Variants in PDGFD observed in about 807,000 individuals in gnomAD.
PDGFD encodes the protein platelet-derived growth factor D.
A neutral mutation model predicts 44.7 loss-of-function variants in PDGFD; 30 were observed. That is an observed-to-expected ratio of 0.67 (90% CI 0.50 to 0.91). The LOEUF (loss-of-function observed/expected upper bound fraction) is 0.91. PDGFD is among the 40% of genes least tolerant of loss of function. PDGFD has a pLI of 0.00. For synonymous variants in PDGFD, 173 were observed against 168.4 expected, an observed-to-expected ratio of 1.03 and a Z score of -0.21; for missense variants, 445 against 457.8, an observed-to-expected ratio of 0.97 and a Z score of 0.25.
chr11:104,149,838 G>A (rs77280667), intron 1 of PDGFD, among the ~76,000 whole-genome samples: 2,226 of 152,118 alleles, frequency 0.015, 60 homozygotes, highest in African/African-American at 0.051. Context: ...GGCCCTGGCC[G>A]GAAATTGATT....
chr11:103,978,853 C>T (rs528648805), intron 3 of PDGFD, among the ~76,000 whole-genome samples: 19 of 152,068 alleles, frequency 1.2e-4, no homozygotes, highest in African/African-American at 4.6e-4. Flanking sequence ...GAGCTCAATG[C>T]TATTAAAATG....
intron 1 of PDGFD, among the ~76,000 whole-genome samples, chr11:104,098,893 A>T (rs1861325915): frequency 1.3e-5 from 2 of 152,026 alleles, no homozygotes; most frequent in Non-Finnish European, 2.9e-5. Context: ...AAAAATACAA[A>T]CTCTGTTCAG....
At chr11:103,950,783 G>T (rs1304551998) in intron 3 of PDGFD, among the ~76,000 whole-genome samples, 9 of 152,072 alleles carry the variant, frequency 5.9e-5, no homozygotes, top group Non-Finnish European at 1.3e-4. Context: ...TCCAAAAGGG[G>T]AATCAACAGA....
Position 103,908,126 on chromosome 11 carries a change from C to T in PDGFD, c.*1568G>A, listed in dbSNP as rs1857966438. 1 of 152,160 alleles carries T rather than the reference C, an allele frequency of 6.6e-6. No individual in the cohort carries two copies. The highest frequency in any genetic ancestry group is 6.5e-5 in the Admixed American group (1 of 15,278). The allele number at this position is 152,160 out of a possible 1,614,324, so 9.4% of individuals were successfully genotyped here. A position where few individuals can be genotyped will look rare whatever the true frequency, so the allele number is the denominator to read the frequency against. On this transcript the variant is annotated 3_prime_UTR_variant, in exon 7 of 7. Coordinates refer to ENST00000393158, the MANE Select transcript of PDGFD (RefSeq NM_025208.5). ...GTTGTAGTTAGTAGGACCACAAAGT[C>T]ACTGAAGAAATCTGCTTTCCTTTTA...
intron 1 of PDGFD, among the ~76,000 whole-genome samples, chr11:104,150,105 C>T (rs927160230): frequency 2.0e-5 from 3 of 151,864 alleles, no homozygotes; most frequent in African/African-American, 7.3e-5. Flanking sequence ...AGATATGCAG[C>T]GGACTTGCAA....
chr11:103,938,866 G>A (rs1255740837), intron 5 of PDGFD, among the ~76,000 whole-genome samples: 1 of 152,136 alleles, frequency 6.6e-6, no homozygotes, highest in East Asian at 1.9e-4. Flanking sequence ...GATAGTTGTA[G>A]ATATGCGGCA....
chr11:103,972,877 G>A (rs1859123375), intron 3 of PDGFD, among the ~76,000 whole-genome samples: 1 of 152,138 alleles, frequency 6.6e-6, no homozygotes, highest in African/African-American at 2.4e-5. Flanking sequence ...TGTCTGTCTA[G>A]TTTCAATGAA....
In PDGFD at chr11:103,909,747, A is replaced by G. The variant is rs1857999000; in HGVS notation, c.1060T>C (p.Leu354=). 1.1e-5 allele frequency: 17 copies of G among 1,613,958 alleles called. No individual in the cohort carries two copies. The highest frequency in any genetic ancestry group is 1.4e-5 in the Non-Finnish European group (17 of 1,179,846). ...AKTMALVDIQ[L]DHHERCDCIC... The stretch of plus-strand genomic sequence containing the variant: ...CAATCACATCGTTCATGGTGATCCA[A>G]CTGGATGTCAACTAGAGCCATGGTC... Residue 354 remains leucine, a synonymous_variant, in exon 7 of 7, where the codon TTG becomes CTG. Transcript: ENST00000393158.
chr11:104,107,529 T>C (rs1345488964), intron 1 of PDGFD, among the ~76,000 whole-genome samples: 1 of 152,216 alleles, frequency 6.6e-6, no homozygotes, highest in Non-Finnish European at 1.5e-5. Context: ...AATAAATGTG[T>C]TGTTTTAAGC....
intron 1 of PDGFD, among the ~76,000 whole-genome samples, chr11:104,098,337 T>C (rs1212263950): frequency 1.3e-5 from 2 of 152,036 alleles, no homozygotes; most frequent in Admixed American, 1.3e-4. Flanking sequence ...CCAGAATAGA[T>C]GAAAGCAAAA....
At chr11:104,111,158 C>T (rs771500665) in intron 1 of PDGFD, among the ~76,000 whole-genome samples, 1 of 151,894 alleles carries the variant, frequency 6.6e-6, no homozygotes, top group African/African-American at 2.4e-5. Flanking sequence ...ATTACCTACG[C>T]TTATCCAATT....
At chr11:103,990,728 C>G (rs533535890) in intron 3 of PDGFD, among the ~76,000 whole-genome samples, 54 of 152,308 alleles carry the variant, frequency 3.5e-4, no homozygotes, top group African/African-American at 1.2e-3. Context: ...ACTGTCCTCA[C>G]TCTGACAGTC....
chr11:103,913,621 A>G (rs547254775), intron 6 of PDGFD, among the ~76,000 whole-genome samples: 2 of 152,228 alleles, frequency 1.3e-5, no homozygotes, highest in African/African-American at 4.8e-5. Context: ...CAAATTCAAA[A>G]GCTAGCAGAA....
intron 3 of PDGFD, among the ~76,000 whole-genome samples, chr11:103,984,812 ATATT>A (rs1277484526): frequency 2.9e-4 from 41 of 141,876 alleles, no homozygotes; most frequent in African/African-American, 9.9e-4. Context: ...TAATATATTT[ATATT>A]TATTTAATAT....
chr11:104,086,911 A>G (rs564341779), intron 1 of PDGFD, among the ~76,000 whole-genome samples: 10 of 152,124 alleles, frequency 6.6e-5, no homozygotes, highest in Non-Finnish European at 1.5e-4. Flanking sequence ...GTCTTTCAAG[A>G]ATAAATTATA....
intron 1 of PDGFD, among the ~76,000 whole-genome samples, chr11:104,029,226 T>C (rs1162168191): frequency 2.6e-5 from 4 of 152,186 alleles, no homozygotes; most frequent in African/African-American, 7.2e-5. Context: ...CTAGATACCA[T>C]TGGGATGGTG....
At chr11:104,150,702 GATGC>G (rs1364028512) in intron 1 of PDGFD, among the ~76,000 whole-genome samples, 1 of 152,040 alleles carries the variant, frequency 6.6e-6, no homozygotes, top group Non-Finnish European at 1.5e-5. Flanking sequence ...TTGGCTTGTG[GATGC>G]ATTACTCAAA....
At chr11:104,162,289 T>C (rs1411384721) in intron 1 of PDGFD, among the ~76,000 whole-genome samples, 2 of 152,158 alleles carry the variant, frequency 1.3e-5, no homozygotes, top group African/African-American at 4.8e-5. Context: ...TACAAAATTA[T>C]GGCTATGAAG....
At chr11:104,042,165 T>G (rs944654986) in intron 1 of PDGFD, among the ~76,000 whole-genome samples, 1 of 152,246 alleles carries the variant, frequency 6.6e-6, no homozygotes, top group African/African-American at 2.4e-5. Context: ...TAACTGATTC[T>G]GTCTTAGGTA....
Sources: allele counts gnomAD v4.1 joint callset (sites outside exome capture counted in the v4.1 genomes callset), GRCh38; gene constraint gnomAD v4.1.1; transcripts MANE v1.5; gene names NCBI Gene and HGNC (gene_info 2026-07-23, HGNC 2026-07-21).